NWD1: variants seen among roughly 807,000 people sequenced by gnomAD.
The protein encoded by NWD1 is NACHT and WD repeat domain containing 1.
In NWD1, 129 loss-of-function variants were observed where a neutral mutation model predicts 135.1. The ratio of observed to expected loss-of-function variants is 0.96; its 90% confidence interval spans 0.83 to 1.11. NWD1 has a LOEUF of 1.11. Ranked by LOEUF, NWD1 falls within the 50% of genes least tolerant of loss-of-function variation. NWD1 has a pLI of 0.00. For missense variants in NWD1, 1,740 were observed against 1,851.3 expected (o/e 0.94, Z 1.10); for synonymous variants, 773 against 786.0 (o/e 0.98, Z 0.28).
intron 16 of NWD1, among the ~76,000 whole-genome samples, chr19:16,798,960 A>C (rs1393767894): frequency 6.6e-6 from 1 of 151,780 alleles, no homozygotes; most frequent in Non-Finnish European, 1.5e-5. Context: ...AAACATTAAA[A>C]GTTTTGAGCT....
At chr19:16,785,380 G>T (rs572958228) in intron 12 of NWD1, among the ~76,000 whole-genome samples, 1 of 151,394 alleles carries the variant, frequency 6.6e-6, no homozygotes, top group African/African-American at 2.4e-5. Context: ...GCATGGTGGC[G>T]CATGTCTGTA....
At chr19:16,750,990 G>A (rs1273163398) in intron 6 of NWD1, among the ~76,000 whole-genome samples, 1 of 152,066 alleles carries the variant, frequency 6.6e-6, no homozygotes, top group African/African-American at 2.4e-5. Flanking sequence ...GGGAGGCCGA[G>A]GCGGGCGGAT....
chr19:16,815,349 C>A lies in NWD1; in HGVS notation c.*310C>A, dbSNP rs1971039881. On this transcript the variant is annotated 3_prime_UTR_variant, in exon 19 of 19. Transcript: ENST00000524140. ...GTGTAAAAAAATAAAAATAAAAAAA[C>A]CCTGTGGGGGTATGGGGCTCCAGTG... 1 of 718,232 alleles carries A rather than the reference C, an allele frequency of 1.4e-6. No homozygotes were observed. The allele number at this position is 718,232 out of a possible 1,614,324, so 44.5% of individuals were successfully genotyped here.
chr19:16,785,903 C>T (rs1363445388), intron 12 of NWD1, among the ~76,000 whole-genome samples: 5 of 151,490 alleles, frequency 3.3e-5, no homozygotes, highest in African/African-American at 4.9e-5. Flanking sequence ...CCCACTCTGT[C>T]GCCCAGGCTG....
intron 15 of NWD1, among the ~76,000 whole-genome samples, chr19:16,794,754 A>G (rs1221663824): frequency 1.3e-5 from 2 of 152,100 alleles, no homozygotes; most frequent in Admixed American, 6.6e-5. Flanking sequence ...GTTGTGGTAC[A>G]TAAACTAGCA....
chr19:16,798,734 C>A (rs779625065), intron 16 of NWD1, among the ~76,000 whole-genome samples: 2 of 152,124 alleles, frequency 1.3e-5, no homozygotes, highest in African/African-American at 2.4e-5. Flanking sequence ...TCAAGCAATT[C>A]TCCTGCCTCA....
chr19:16,775,349 A>G (rs1969562827), intron 11 of NWD1, among the ~76,000 whole-genome samples: 1 of 152,062 alleles, frequency 6.6e-6, no homozygotes, highest in South Asian at 2.1e-4. Context: ...TAGGAGTTTA[A>G]TTCTCTCTTT....
intron 17 of NWD1, among the ~76,000 whole-genome samples, chr19:16,802,144 C>T (rs1175552700): frequency 1.3e-5 from 2 of 151,678 alleles, no homozygotes; most frequent in Middle Eastern, 3.2e-3. Flanking sequence ...ATTAGCCGGA[C>T]GTGGTGGCGG....
chr19:16,733,520 C>CA (rs11436280), intron 3 of NWD1, among the ~76,000 whole-genome samples: 40,121 of 133,134 alleles, frequency 0.3, 5,693 homozygotes, highest in Middle Eastern at 0.44. Flanking sequence ...GATTCTGTCT[C>CA]AAAAAAAAAA....
intron 8 of NWD1, 145 bp from the exon 9 acceptor site, chr19:16,763,683 A>G (rs747617391): frequency 2.4e-5 from 15 of 626,432 alleles, no homozygotes; most frequent in Non-Finnish European, 3.8e-5. Context: ...GCCCTGACCA[A>G]TGGGCACATG....
chr19:16,772,238 A>T (rs1315719431), intron 10 of NWD1, among the ~76,000 whole-genome samples: 2 of 152,198 alleles, frequency 1.3e-5, no homozygotes, highest in Non-Finnish European at 2.9e-5. Context: ...GGTGACGTGC[A>T]TCTGCAGTCC....
chr19:16,811,597 AAAAG>A (rs888253034), intron 18 of NWD1, among the ~76,000 whole-genome samples: 24 of 151,836 alleles, frequency 1.6e-4, no homozygotes, highest in South Asian at 4.2e-4. Flanking sequence ...AAAAAAAAAA[AAAAG>A]AAAGAAAGAA....
At chr19:16,753,162 C>A (rs1599468929) in intron 6 of NWD1, among the ~76,000 whole-genome samples, 1 of 152,198 alleles carries the variant, frequency 6.6e-6, no homozygotes, top group African/African-American at 2.4e-5. Flanking sequence ...CTCTGCACAT[C>A]AACTCCTCTT....
In NWD1 at chr19:16,749,729, G is replaced by A; in HGVS notation, c.1087G>A (p.Gly363Arg). 2.5e-6 allele frequency: 4 copies of A among 1,606,238 alleles called. No individual in the cohort carries two copies. Among genetic ancestry groups the A allele is most frequent in the Middle Eastern group, 1.7e-4 (1 of 6,012 alleles). The change falls in exon 6 of 19, where the codon GGG becomes AGG. Residue 363 changes from glycine to arginine, a missense_variant. Coordinates refer to ENST00000524140, the MANE Select transcript of NWD1 (RefSeq NM_001007525.5). Reference protein sequence around the residue: ...KLAEQMPRLLGHKTVTVLRLL... With the variant: ...KLAEQMPRLLRHKTVTVLRLL... ...GGCTGAGCAGATGCCAAGGCTGCTG[G>A]GGCACAAGACAGTGACCGTCCTGCG...
In NWD1 at chr19:16,731,451, C is replaced by T. The variant is rs8111579; in HGVS notation, c.81+173C>T. Among the ~76,000 whole-genome samples, 84,068 of 149,212 alleles carry T rather than the reference C, an allele frequency of 0.56. 24,026 individuals carry two copies. The highest frequency in any genetic ancestry group is 0.64 in the African/African-American group (25,855 of 40,650). Reference sequence around the variant, plus strand: ...CCTCCTGAGTAGCTGGGACTACAGGCGTGCGCCACCACGCCCAGCTAATTT... The same window carrying T: ...CCTCCTGAGTAGCTGGGACTACAGGTGTGCGCCACCACGCCCAGCTAATTT... On this transcript the variant is annotated intron_variant, in intron 3 of 18. Transcript: ENST00000524140.
At chr19:16,747,324 C>T (rs1262760195) in intron 5 of NWD1, among the ~76,000 whole-genome samples, 3 of 149,708 alleles carry the variant, frequency 2.0e-5, no homozygotes, top group Non-Finnish European at 4.4e-5. Context: ...TATGAGCACC[C>T]GCGCCTGGCT....
Position 16,749,483 on chromosome 19 carries a change from C to A in NWD1, c.841C>A (p.Leu281Ile). ...GGCCAATCACCAGGTCCTCACACGC[C>A]TCCGTGAGCTGGATACGGCCGGACA... is the stretch of plus-strand genomic sequence containing the variant. The part of the protein sequence containing the change: ...VRANHQVLTR[L>I]RELDTAGQEL... Residue 281 changes from leucine (L) to isoleucine (I), a missense_variant, in exon 6 of 19, where the codon CTC becomes ATC. By Grantham distance (5) the Leu-to-Ile change is conservative. Coordinates refer to ENST00000524140, the MANE Select transcript of NWD1 (RefSeq NM_001007525.5). The A allele has an allele frequency of 6.2e-7, 1 of 1,611,986 alleles. No homozygotes were observed. Among genetic ancestry groups the A allele is most frequent in the Non-Finnish European group, 8.5e-7 (1 of 1,178,244 alleles).
Position 16,743,792 on chromosome 19 carries a change from C to T in NWD1, c.199-629C>T, listed in dbSNP as rs555874430. ...CCCTCTCCCGGGTTCAAGCAATTCT[C>T]CTGCCTCAGCCTCCCAAGTAGCTGG... On this transcript the variant is annotated intron_variant, in intron 4 of 18. Coordinates refer to ENST00000524140, the MANE Select transcript of NWD1 (RefSeq NM_001007525.5). Among the ~76,000 whole-genome samples the T allele has an allele frequency of 1.1e-4, 17 of 152,180 alleles. No individual in the cohort carries two copies. In the East Asian group the frequency reaches 2.5e-3, roughly 22 times the overall value.
intron 13 of NWD1, among the ~76,000 whole-genome samples, chr19:16,789,647 C>T (rs1360366826): frequency 6.6e-6 from 1 of 150,968 alleles, no homozygotes; most frequent in African/African-American, 2.4e-5. Context: ...AATTAAATTC[C>T]ATTTTGATGA....
Sources: gnomAD v4.1 joint callset for allele counts (sites outside exome capture counted in the v4.1 genomes callset) on GRCh38, gnomAD v4.1.1 for gene constraint, MANE v1.5 for transcripts, NCBI Gene and HGNC (gene_info 2026-07-23, HGNC 2026-07-21) for gene names.